NUMB: variants seen among roughly 807,000 people sequenced by gnomAD.
NUMB encodes protein numb homolog.
NUMB carries 29 observed loss-of-function variants against 59.7 expected under a neutral mutation model. The observed-to-expected ratio is 0.49, with a 90% confidence interval of 0.36 to 0.66. NUMB has a LOEUF of 0.66. NUMB is among the 30% of genes least tolerant of loss of function. The pLI is 0.00. For missense variants in NUMB, 723 were observed against 822.0 expected (o/e 0.88, Z 1.47); for synonymous variants, 288 against 288.2 (o/e 1.00, Z 0.01).
In NUMB at chr14:73,286,849, G is replaced by C. The variant is rs984068744; in HGVS notation, c.655+261C>G. 11 of 471,282 alleles carry C rather than the reference G, an allele frequency of 2.3e-5. No homozygotes were observed. In the East Asian group the frequency reaches 3.6e-4, roughly 16 times the overall value. The allele number at this position is 471,282 out of a possible 1,614,324, so 29.2% of individuals were successfully genotyped here. ...AAAGGTATTTCAGGATGGGAGGAAG[G>C]GGGTAAGAGATGTCTCTGCAGCTTC... On this transcript the variant is annotated intron_variant, in intron 9 of 12. Transcript: ENST00000555238.
At chr14:73,303,705 T>C (rs1890272227) in intron 6 of NUMB, among the ~76,000 whole-genome samples, 1 of 152,242 alleles carries the variant, frequency 6.6e-6, no homozygotes, top group Non-Finnish European at 1.5e-5. Flanking sequence ...TAACACTTTC[T>C]ACTTTAATAA....
chr14:73,451,583 C>T (rs948751293), intron 1 of NUMB, among the ~76,000 whole-genome samples: 4 of 152,152 alleles, frequency 2.6e-5, no homozygotes, highest in African/African-American at 9.7e-5. Context: ...CCACTGCACT[C>T]CAGCCTGGGC....
At chr14:73,314,843 T>C (rs968593494) in intron 6 of NUMB, among the ~76,000 whole-genome samples, 1 of 152,056 alleles carries the variant, frequency 6.6e-6, no homozygotes, top group Non-Finnish European at 1.5e-5. Flanking sequence ...AAACTCTGTT[T>C]AGGAAAAAAC....
At position 73,398,390 on chromosome 14, in the gene NUMB, C is replaced by CAG. The variant is rs1168339502; in HGVS notation, c.-101+11546_-101+11547insCT. ...TATTTGTATATGAGAGAGAGACACA[C>CAG]ACAGAGAGAGAGAGAGAGAGAGAGA... On this transcript the variant is annotated intron_variant, in intron 2 of 12. Coordinates refer to ENST00000555238, the MANE Select transcript of NUMB (RefSeq NM_001005743.2). 8.5e-5 allele frequency among the ~76,000 whole-genome samples: 10 copies of CAG among 118,188 alleles called. No homozygotes were observed. The East Asian group carries it at 8.7e-4, about 10-fold the overall frequency. The allele number at this position is 118,188 out of a possible 152,430, so 77.5% of individuals were successfully genotyped here.
At chr14:73,391,534 TCTC>T (rs1389586547) in intron 2 of NUMB, among the ~76,000 whole-genome samples, 4 of 152,166 alleles carry the variant, frequency 2.6e-5, no homozygotes, top group African/African-American at 9.7e-5. Flanking sequence ...AATGATTCAT[TCTC>T]CTATTTCAGA....
intron 3 of NUMB, among the ~76,000 whole-genome samples, chr14:73,361,935 G>A (rs1044688141): frequency 6.6e-6 from 1 of 152,040 alleles, no homozygotes; most frequent in African/African-American, 2.4e-5. Context: ...ATGATAAGAT[G>A]TACCACTATT....
At chr14:73,344,341 A>T in intron 4 of NUMB, among the ~76,000 whole-genome samples, 1 of 152,230 alleles carries the variant, frequency 6.6e-6, no homozygotes. Flanking sequence ...TACTGAAATA[A>T]TAAGAGCTCT....
chr14:73,337,110 T>A (rs1423289457), intron 4 of NUMB, among the ~76,000 whole-genome samples: 1 of 151,524 alleles, frequency 6.6e-6, no homozygotes, highest in East Asian at 1.9e-4. Flanking sequence ...TGCCTGCCTG[T>A]CTCAAAAAAA....
intron 4 of NUMB, among the ~76,000 whole-genome samples, chr14:73,344,679 T>C (rs1317129073): frequency 1.3e-5 from 2 of 152,102 alleles, no homozygotes; most frequent in African/African-American, 2.4e-5. Flanking sequence ...TATTTAACAG[T>C]GAGTTAAAAT....
chr14:73,450,669 C>G (rs1307429734), intron 1 of NUMB, among the ~76,000 whole-genome samples: 1 of 152,072 alleles, frequency 6.6e-6, no homozygotes, highest in African/African-American at 2.4e-5. Flanking sequence ...GTGGCACACG[C>G]CTGTAATCCC....
At chr14:73,406,308 T>C (rs919514628) in intron 2 of NUMB, among the ~76,000 whole-genome samples, 12 of 141,256 alleles carry the variant, frequency 8.5e-5, no homozygotes, top group South Asian at 2.3e-4. Context: ...AGTGTTCTCA[T>C]TGTTCAATTC....
At chr14:73,430,276 AT>A (rs1453926991) in intron 1 of NUMB, among the ~76,000 whole-genome samples, 1 of 152,090 alleles carries the variant, frequency 6.6e-6, no homozygotes, top group Non-Finnish European at 1.5e-5. Flanking sequence ...GTAAGTGTAC[AT>A]TTAATTATAT....
chr14:73,427,420 G>A (rs976509152), intron 1 of NUMB, among the ~76,000 whole-genome samples: 3 of 151,894 alleles, frequency 2.0e-5, no homozygotes, highest in Admixed American at 2.0e-4. Flanking sequence ...AGCCAAGATC[G>A]CGTCACCGTA....
At chr14:73,407,845 T>C (rs2140128910) in intron 2 of NUMB, among the ~76,000 whole-genome samples, 1 of 152,348 alleles carries the variant, frequency 6.6e-6, no homozygotes, top group South Asian at 2.1e-4. Flanking sequence ...GAATTACCTA[T>C]ATTCAAACCT....
chr14:73,290,713 T>C (rs1247950848), intron 8 of NUMB, among the ~76,000 whole-genome samples: 1 of 152,238 alleles, frequency 6.6e-6, no homozygotes. Context: ...CTGAAATGCT[T>C]GGGACCAGAA....
chr14:73,382,418 G>A (rs565642696), intron 2 of NUMB, among the ~76,000 whole-genome samples: 1 of 151,044 alleles, frequency 6.6e-6, no homozygotes, highest in South Asian at 2.1e-4. Context: ...AAGTGCCACT[G>A]CGCCCAGCCA....
At chr14:73,395,938 C>G (rs912734193) in intron 2 of NUMB, among the ~76,000 whole-genome samples, 2 of 152,168 alleles carry the variant, frequency 1.3e-5, no homozygotes, top group African/African-American at 4.8e-5. Flanking sequence ...AAATCCTTAA[C>G]ATAGCTGTTT....
At chr14:73,360,149 C>T (rs751806051) in intron 3 of NUMB, among the ~76,000 whole-genome samples, 21 of 152,194 alleles carry the variant, frequency 1.4e-4, no homozygotes, top group Admixed American at 3.3e-4. Context: ...AAATAAAATC[C>T]AAACTCTCAC....
chr14:73,396,006 G>T (rs1053777264), intron 2 of NUMB, among the ~76,000 whole-genome samples: 1 of 152,160 alleles, frequency 6.6e-6, no homozygotes, highest in Admixed American at 6.5e-5. Flanking sequence ...AGGTAGAAAT[G>T]AAAACTAACA....
Sources: gnomAD v4.1 joint callset for allele counts (sites outside exome capture counted in the v4.1 genomes callset) on GRCh38, gnomAD v4.1.1 for gene constraint, MANE v1.5 for transcripts, NCBI Gene and HGNC (gene_info 2026-07-23, HGNC 2026-07-21) for gene names.